SMAD7: variants seen among roughly 807,000 people sequenced by gnomAD.
SMAD7 encodes the protein MAD (mothers against decapentaplegic, Drosophila) homolog 7.
SMAD7 carries 8 observed loss-of-function variants against 38.7 expected under a neutral mutation model. The observed-to-expected ratio is 0.21, with a 90% CI of 0.12 to 0.37. SMAD7 has a LOEUF of 0.37. SMAD7 is among the 10% of genes least tolerant of loss of function. The pLI, the probability that SMAD7 is intolerant of heterozygous loss-of-function variation, is 1.00. For missense variants in SMAD7, 477 were observed against 577.9 expected (o/e 0.83, Z 1.79); for synonymous variants, 327 against 265.1 (o/e 1.23, Z -2.27).
intron 2 of SMAD7, among the ~76,000 whole-genome samples, chr18:48,946,127 C>T (rs768798859): frequency 7.2e-5 from 11 of 152,224 alleles, no homozygotes; most frequent in Admixed American, 2.6e-4. Context: ...CCCATTCCCA[C>T]CACCTTTTCC....
At chr18:48,941,234 T>G (rs904622293) in intron 3 of SMAD7, among the ~76,000 whole-genome samples, 6 of 152,308 alleles carry the variant, frequency 3.9e-5, no homozygotes, top group East Asian at 1.9e-4. Flanking sequence ...CCGTACTGCC[T>G]GAAGCCCCCT....
chr18:48,933,280 G>T (rs2070024461), intron 3 of SMAD7, among the ~76,000 whole-genome samples: 1 of 152,018 alleles, frequency 6.6e-6, no homozygotes, highest in African/African-American at 2.4e-5. Flanking sequence ...TTCATGGAGG[G>T]ACCAGGCTCC....
chr18:48,943,460 C>T (rs933518555), intron 2 of SMAD7, among the ~76,000 whole-genome samples: 5 of 152,202 alleles, frequency 3.3e-5, no homozygotes, highest in East Asian at 1.9e-4. Context: ...TCTCCACAAC[C>T]GCCCTCCAAG....
chr18:48,949,317 G>T, intron 1 of SMAD7: 1 of 981,160 alleles, frequency 1.0e-6, no homozygotes, highest in Non-Finnish European at 1.2e-6. Flanking sequence ...TGTTCGACGT[G>T]ATTCTCCGTA....
intron 3 of SMAD7, among the ~76,000 whole-genome samples, chr18:48,940,520 G>A (rs1182765476): frequency 2.0e-5 from 3 of 152,182 alleles, no homozygotes; most frequent in African/African-American, 7.2e-5. Flanking sequence ...GGAGGAAAGG[G>A]TGGGTGGATC....
intron 3 of SMAD7, among the ~76,000 whole-genome samples, chr18:48,939,547 C>G (rs4452022): frequency 0.98 from 148,466 of 151,510 alleles, 72,763 homozygotes; most frequent in Middle Eastern, 1. Flanking sequence ...AGGAGAGGAC[C>G]GGCCTTTGAG....
At chr18:48,930,612 G>C (rs919760593) in intron 3 of SMAD7, among the ~76,000 whole-genome samples, 3 of 151,818 alleles carry the variant, frequency 2.0e-5, no homozygotes, top group Non-Finnish European at 4.4e-5. Context: ...CCACCGCGCA[G>C]GGACAGACTG....
In SMAD7 at chr18:48,950,318, T is replaced by C; in HGVS notation, c.107A>G (p.Glu36Gly). ...EGAGGGGGGG[E>G]LRGEGATDSR... ...GTCCGTCGCCCCTTCTCCCCGCAGC[T>C]CGCCTCCTCCTCCACCTCCCCCTGC... is the stretch of plus-strand genomic sequence containing the variant. Residue 36 changes from glutamate to glycine, a missense_variant, in exon 1 of 4, where the codon GAG becomes GGG. Coordinates refer to ENST00000262158, the MANE Select transcript of SMAD7 (RefSeq NM_005904.4). The C allele has an allele frequency of 6.5e-7, 1 of 1,535,518 alleles. No individual in the cohort carries two copies. The highest frequency in any genetic ancestry group is 8.8e-7 in the Non-Finnish European group (1 of 1,141,270).
Position 48,950,650 on chromosome 18 carries a change from G to C in SMAD7, c.-226C>G, listed in dbSNP as rs1300275450. On this transcript the variant is annotated 5_prime_UTR_variant, in exon 1 of 4. It adds an upstream start codon to the 5' untranslated region. Transcript: ENST00000262158. ...CGGGGGCCCGGGGGCGCCCGCCGGG[G>C]ATCGGGGGCCTGCGCTCCGGCTGCC... 6.4e-6 allele frequency: 1 copy of C among 157,304 alleles called. No individual in the cohort carries two copies. Among genetic ancestry groups the C allele is most frequent in the Admixed American group, 6.6e-5 (1 of 15,054 alleles). 9.7% of individuals were successfully genotyped at this position (157,304 alleles called of 1,614,324 possible).
rs1230126707 is a variant in SMAD7 at position 48,950,188 on chromosome 18, G to A, written c.237C>T (p.Ala79=). The change falls in exon 1 of 4, where the codon GCC becomes GCT. Residue 79 remains alanine, a synonymous_variant. Transcript: ENST00000262158. ...CGCCCCCGGCCGCGCCGGCGCCCGC[G>A]GCTGGCGGGTGGGGATGGTGGTGAC... ...AKGHHHPHPP[A]AGAGAAGGAE... The A allele has an allele frequency of 2.7e-6, 4 of 1,485,344 alleles. No individual in the cohort carries two copies. Among genetic ancestry groups the A allele is most frequent in the East Asian group, 2.9e-5 (1 of 34,204 alleles). The allele number at this position is 1,485,344 out of a possible 1,614,324, so 92.0% of individuals were successfully genotyped here. A position where few individuals can be genotyped will look rare whatever the true frequency, so the allele number is the denominator to read the frequency against.
intron 2 of SMAD7, among the ~76,000 whole-genome samples, chr18:48,947,537 T>C (rs936868017): frequency 6.6e-6 from 1 of 152,128 alleles, no homozygotes; most frequent in Non-Finnish European, 1.5e-5. Context: ...AAAACCAAGG[T>C]TACATACAAC....
At position 48,921,296 on chromosome 18, in the gene SMAD7, C is replaced by T. The variant is rs2069855772; in HGVS notation, c.*76G>A. On this transcript the variant is annotated 3_prime_UTR_variant, in exon 4 of 4. Transcript: ENST00000262158. This position sits in a 1 kb window ranked among gnomAD's most constrained non-coding sequence, Gnocchi z 6.4. ...AGAGTTTGCATGAAAAGCAAGCACT[C>T]AGGAGGAAAATATTAGCAGCAAAGT... The T allele has an allele frequency of 1.5e-6, 2 of 1,335,624 alleles. No homozygotes were observed. Among genetic ancestry groups the T allele is most frequent in the Non-Finnish European group, 2.0e-6 (2 of 981,512 alleles). The allele number at this position is 1,335,624 out of a possible 1,614,324, so 82.7% of individuals were successfully genotyped here. A position where few individuals can be genotyped will look rare whatever the true frequency, so the allele number is the denominator to read the frequency against.
Position 48,921,320 on chromosome 18 carries a change from G to C in SMAD7, c.*52C>G. ...TCAGGAGGAAAATATTAGCAGCAAA[G>C]TAGTTTGAAGTGTGGCCTGCTCAGC... On this transcript the variant is annotated 3_prime_UTR_variant, in exon 4 of 4. Coordinates refer to ENST00000262158, the MANE Select transcript of SMAD7 (RefSeq NM_005904.4). This position sits in a 1 kb window ranked among gnomAD's most constrained non-coding sequence, Gnocchi z 6.4. 1 of 1,472,116 alleles carries C rather than the reference G, an allele frequency of 6.8e-7. No homozygotes were observed. The highest frequency in any genetic ancestry group is 9.2e-7 in the Non-Finnish European group (1 of 1,087,264). The allele number at this position is 1,472,116 out of a possible 1,614,324, so 91.2% of individuals were successfully genotyped here.
chr18:48,931,108 G>A (rs2069995192), intron 3 of SMAD7, among the ~76,000 whole-genome samples: 1 of 152,326 alleles, frequency 6.6e-6, no homozygotes, highest in South Asian at 2.1e-4. Flanking sequence ...GAAGTACCTA[G>A]AGGAGGAGGC....
chr18:48,949,915 A>T lies in SMAD7; in HGVS notation c.510T>A (p.His170Gln). 1 of 1,613,660 alleles carries T rather than the reference A, an allele frequency of 6.2e-7. No homozygotes were observed. Among genetic ancestry groups the T allele is most frequent in the South Asian group, 1.1e-5 (1 of 91,062 alleles). ...CKVFRWPDLR[H>Q]SSEVKRLCCC... ...AACACAGCCTCTTGACTTCCGAGGA[A>T]TGCCTGAGATCCGGCCACCTGAACA... Residue 170 changes from histidine to glutamine, a missense_variant, in exon 1 of 4, where the codon CAT becomes CAA. Around this residue, in one of 2 missense-constraint regions of SMAD7, gnomAD observed 376 missense variants for 379.4 expected, o/e 0.99. Coordinates refer to ENST00000262158, the MANE Select transcript of SMAD7 (RefSeq NM_005904.4).
At chr18:48,931,553 A>G (rs1244139373) in intron 3 of SMAD7, among the ~76,000 whole-genome samples, 6 of 152,252 alleles carry the variant, frequency 3.9e-5, no homozygotes, top group Non-Finnish European at 8.8e-5. Flanking sequence ...GCGAGCCAAG[A>G]GACAGAAAGA....
rs200278134 is a variant in SMAD7 at position 48,935,007 on chromosome 18, T to A, written c.742+7474A>T. On this transcript the variant is annotated intron_variant, in intron 3 of 3. Coordinates refer to ENST00000262158, the MANE Select transcript of SMAD7 (RefSeq NM_005904.4). ...CAGTGCCCACCCCTATCAAAAAATGTCCCCATCTTAGAGTATAAATACGAT... is the reference window on the plus strand; with the variant it reads ...CAGTGCCCACCCCTATCAAAAAATGACCCCATCTTAGAGTATAAATACGAT... Among the ~76,000 whole-genome samples the A allele has an allele frequency of 3.7e-3, 569 of 152,314 alleles. 2 individuals are homozygous for A. Among genetic ancestry groups the A allele is most frequent in the Non-Finnish European group, 4.4e-3 (297 of 68,028 alleles).
chr18:48,950,469 G>C lies in SMAD7; in HGVS notation c.-45C>G. 2 of 1,523,732 alleles carry C rather than the reference G, an allele frequency of 1.3e-6. No homozygotes were observed. Among genetic ancestry groups the C allele is most frequent in the South Asian group, 1.2e-5 (1 of 81,252 alleles). The allele number at this position is 1,523,732 out of a possible 1,614,324, so 94.4% of individuals were successfully genotyped here. ...AGAAAAGTCGTTTGCCTGCTAAGGA[G>C]CGAACATGACCTCCGCACACCATGA... On this transcript the variant is annotated 5_prime_UTR_variant, in exon 1 of 4. Transcript: ENST00000262158.
At position 48,942,754 on chromosome 18, in the gene SMAD7, G is replaced by A. The variant is rs953917025; in HGVS notation, c.668-199C>T. The A allele has an allele frequency of 2.7e-5, 38 of 1,430,892 alleles. No individual in the cohort carries two copies. The African/African-American group carries it at 2.9e-4, about 11-fold the overall frequency. 88.6% of individuals were successfully genotyped at this position (1,430,892 alleles called of 1,614,324 possible). On this transcript the variant is annotated intron_variant, in intron 2 of 3. Coordinates refer to ENST00000262158, the MANE Select transcript of SMAD7 (RefSeq NM_005904.4). ...GACAGACCACAGCACCTTGTCACCC[G>A]TCTGGGCTCCGGGCAGCCAGTTAAT...
Sources: gnomAD v4.1 joint callset for allele counts (sites outside exome capture counted in the v4.1 genomes callset) on GRCh38, gnomAD v4.1.1 for gene constraint, gnomAD v4.1.1 regional missense constraint, Gnocchi (gnomAD v3.1) non-coding constraint, MANE v1.5 for transcripts, NCBI Gene and HGNC (gene_info 2026-07-23, HGNC 2026-07-21) for gene names.